Variants in STIM2 observed in about 807,000 individuals in gnomAD.
STIM2 encodes the protein stromal interaction molecule 2.
STIM2 carries 31 observed loss-of-function variants against 85.8 expected under a neutral mutation model. The ratio of observed to expected loss-of-function variants is 0.36; its 90% CI spans 0.27 to 0.49. The LOEUF is 0.49. Among genes scored for constraint, STIM2 ranks in the 20% least tolerant of loss-of-function variants. The pLI is 0.98. For synonymous variants in STIM2, 356 were observed against 331.1 expected, an observed-to-expected ratio of 1.08 and a Z score of -0.82; for missense variants, 841 against 927.6, an observed-to-expected ratio of 0.91 and a Z score of 1.21.
intron 2 of STIM2, among the ~76,000 whole-genome samples, chr4:26,936,756 A>G (rs1431212290): frequency 6.6e-6 from 1 of 152,210 alleles, no homozygotes; most frequent in Non-Finnish European, 1.5e-5. Flanking sequence ...AAATCATTTC[A>G]TAGTATGGAG....
At position 27,017,940 on chromosome 4, in the gene STIM2, TGAAGAGGAG is replaced by T; in HGVS notation, c.1727_1735del (p.Glu576_Glu578del). On this transcript the variant is annotated inframe_deletion, in exon 11 of 12. Coordinates refer to ENST00000467087, the MANE Select transcript of STIM2 (RefSeq NM_020860.4). ...CAAGTTGCCCTGCGCTTTATCGAAA[TGAAGAGGAG>T]GAAGAGGCCATTTACTTCTCTGCTG... is the stretch of plus-strand genomic sequence containing the variant. The T allele has an allele frequency of 6.2e-7, 1 of 1,613,924 alleles. No homozygotes were observed. Among genetic ancestry groups the T allele is most frequent in the South Asian group, 1.1e-5 (1 of 91,074 alleles).
intron 7 of STIM2, among the ~76,000 whole-genome samples, chr4:27,004,770 C>T (rs923737877): frequency 4.6e-5 from 7 of 152,020 alleles, no homozygotes; most frequent in Non-Finnish European, 7.4e-5. Flanking sequence ...CAATAAAAGG[C>T]GGTTTAAAGG....
chr4:26,871,880 C>A (rs559569869), intron 1 of STIM2, among the ~76,000 whole-genome samples: 2 of 152,162 alleles, frequency 1.3e-5, no homozygotes, highest in African/African-American at 4.8e-5. Context: ...AAGAGCATAG[C>A]CTCTAGACTA....
rs367572178 is a variant in STIM2, at chr4:26,914,500, T to C, written c.152-5004T>C. 3.4e-4 allele frequency among the ~76,000 whole-genome samples: 52 copies of C among 152,366 alleles called. No homozygotes were observed. The South Asian group carries it at 9.9e-3, about 29-fold the overall frequency. Reference sequence around the variant, plus strand: ...TAGTTTTGTCACCATTGTTTATTTGTATATCTGTCATTGTATCTGCCATCT... The same window carrying C: ...TAGTTTTGTCACCATTGTTTATTTGCATATCTGTCATTGTATCTGCCATCT... On this transcript the variant is annotated intron_variant, in intron 1 of 11. Coordinates refer to ENST00000467087, the MANE Select transcript of STIM2 (RefSeq NM_020860.4).
Position 27,019,368 on chromosome 4 carries a change from C to G in STIM2, c.1763+1384C>G, listed in dbSNP as rs756915710. 8.0e-6 allele frequency: 10 copies of G among 1,245,894 alleles called. No individual in the cohort carries two copies. In the South Asian group the frequency reaches 1.1e-4, roughly 14 times the overall value. The allele number at this position is 1,245,894 out of a possible 1,614,324, so 77.2% of individuals were successfully genotyped here. On this transcript the variant is annotated intron_variant, in intron 11 of 11. Coordinates refer to ENST00000467087, the MANE Select transcript of STIM2 (RefSeq NM_020860.4). ...CTGATGCGACTTTGCTTGGTTAACACTTTATGACTAGCTTTTCGTCTGTCT... is the reference window on the plus strand; with the variant it reads ...CTGATGCGACTTTGCTTGGTTAACAGTTTATGACTAGCTTTTCGTCTGTCT...
chr4:26,984,282 CAT>C (rs1308855176), intron 3 of STIM2, among the ~76,000 whole-genome samples: 1 of 152,180 alleles, frequency 6.6e-6, no homozygotes, highest in African/African-American at 2.4e-5. Flanking sequence ...CATTGTATAA[CAT>C]GTTGGGAATA....
chr4:26,917,033 C>G (rs1354991094), intron 1 of STIM2, among the ~76,000 whole-genome samples: 2 of 152,098 alleles, frequency 1.3e-5, no homozygotes. Context: ...CAGAATTTAT[C>G]AGAGGCTTAA....
At chr4:27,021,389 G>C (rs919586136) in intron 11 of STIM2, 1 of 439,714 alleles carries the variant, frequency 2.3e-6, no homozygotes, top group Admixed American at 2.4e-5. Flanking sequence ...AGTAACCTGC[G>C]TACCCTGGAG....
chr4:26,958,865 G>T (rs1726345999), intron 3 of STIM2, among the ~76,000 whole-genome samples: 1 of 152,156 alleles, frequency 6.6e-6, no homozygotes, highest in African/African-American at 2.4e-5. Flanking sequence ...AAGAAGGGAG[G>T]TGGAGATCCA....
At chr4:26,869,380 A>G (rs1026241180) in intron 1 of STIM2, among the ~76,000 whole-genome samples, 5 of 151,920 alleles carry the variant, frequency 3.3e-5, no homozygotes, top group Admixed American at 6.6e-5. Context: ...AAAGAACTAT[A>G]GAGGGTTAAA....
chr4:26,867,892 A>G (rs1175710605), intron 1 of STIM2, among the ~76,000 whole-genome samples: 2 of 152,182 alleles, frequency 1.3e-5, no homozygotes, highest in Non-Finnish European at 2.9e-5. Context: ...CCTCTAGTCT[A>G]GCTGAACATT....
Position 26,913,982 on chromosome 4 carries a change from G to A in STIM2, c.152-5522G>A, listed in dbSNP as rs1379382202. Among the ~76,000 whole-genome samples, 8 of 152,134 alleles carry A rather than the reference G, an allele frequency of 5.3e-5. No homozygotes were observed. The East Asian group carries it at 9.6e-4, about 18-fold the overall frequency. ...GTGAAGGAGAAGGCTATCTTACATA[G>A]GGAAATAAGACAGCCTCTGAGGAGG... On this transcript the variant is annotated intron_variant, in intron 1 of 11. Coordinates refer to ENST00000467087, the MANE Select transcript of STIM2 (RefSeq NM_020860.4).
At chr4:26,971,626 C>G (rs1726956767) in intron 3 of STIM2, among the ~76,000 whole-genome samples, 1 of 152,092 alleles carries the variant, frequency 6.6e-6, no homozygotes, top group Non-Finnish European at 1.5e-5. Flanking sequence ...TACCAGTACC[C>G]TTCTGTTTTG....
chr4:26,976,661 G>T (rs1056751894), intron 3 of STIM2, among the ~76,000 whole-genome samples: 4 of 151,908 alleles, frequency 2.6e-5, no homozygotes, highest in African/African-American at 9.7e-5. Flanking sequence ...ACAAAAATTA[G>T]CTGGGTGTGG....
intron 11 of STIM2, 42 bp downstream of exon 11, chr4:27,018,026 T>TTG (rs1385525484): frequency 3.7e-6 from 6 of 1,604,790 alleles, no homozygotes; most frequent in Non-Finnish European, 5.1e-6. Context: ...TGGGGCTGGG[T>TTG]TGGGGGTAAG....
intron 1 of STIM2, among the ~76,000 whole-genome samples, chr4:26,912,716 A>G (rs1369209801): frequency 6.6e-6 from 1 of 152,120 alleles, no homozygotes; most frequent in African/African-American, 2.4e-5. Flanking sequence ...CCCCACTATC[A>G]TTTCTATAGT....
chr4:26,905,038 T>C (rs1724073561), intron 1 of STIM2, among the ~76,000 whole-genome samples: 1 of 152,142 alleles, frequency 6.6e-6, no homozygotes, highest in Non-Finnish European at 1.5e-5. Flanking sequence ...AATAGCTTCA[T>C]GAAAAATATT....
At chr4:27,021,816 G>C (rs1728923881) in intron 11 of STIM2, among the ~76,000 whole-genome samples, 1 of 152,126 alleles carries the variant, frequency 6.6e-6, no homozygotes, top group Non-Finnish European at 1.5e-5. Flanking sequence ...AGAGAGATTT[G>C]AAGGAATGGG....
chr4:26,862,920 A>G (rs1168832240), intron 1 of STIM2, among the ~76,000 whole-genome samples: 1 of 152,216 alleles, frequency 6.6e-6, no homozygotes, highest in African/African-American at 2.4e-5. Context: ...AGGAGCAGGA[A>G]TATTTAGGCT....
Sources: allele counts gnomAD v4.1 joint callset (sites outside exome capture counted in the v4.1 genomes callset), GRCh38; gene constraint gnomAD v4.1.1; transcripts MANE v1.5; gene names NCBI Gene and HGNC (gene_info 2026-07-23, HGNC 2026-07-21).